FAM78A: variants seen among roughly 807,000 people sequenced by gnomAD.
The protein encoded by FAM78A is protein FAM78A.
FAM78A carries 12 observed loss-of-function variants against 22.6 expected under a neutral mutation model. The observed-to-expected ratio is 0.53, with a 90% confidence interval of 0.34 to 0.86. The LOEUF (loss-of-function observed/expected upper bound fraction) is 0.86, where lower values mean the gene tolerates loss of function less well. Ranked by LOEUF, FAM78A falls within the 40% of genes least tolerant of loss-of-function variation. The pLI is 0.02. For synonymous variants in FAM78A, 151 were observed against 155.8 expected (o/e 0.97, Z 0.23); for missense variants, 322 against 396.1 (o/e 0.81, Z 1.59).
At chr9:131,269,224 C>CGT (rs1835386942) in intron 1 of FAM78A, among the ~76,000 whole-genome samples, 2 of 152,168 alleles carry the variant, frequency 1.3e-5, no homozygotes, top group Admixed American at 1.3e-4. Context: ...TCTCTGCATA[C>CGT]ACACACAGGA....
At chr9:131,270,130 CG>C (rs1835399271) in intron 1 of FAM78A, 3 of 613,612 alleles carry the variant, frequency 4.9e-6, no homozygotes, top group Non-Finnish European at 5.9e-6. Context: ...CGCTTGAACC[CG>C]GGAGGCGGAT....
rs1835459109 is a variant in FAM78A at position 131,274,540 on chromosome 9, C to T, written c.323+1317G>A. On this transcript the variant is annotated intron_variant, in intron 1 of 1. Coordinates refer to ENST00000372271, the MANE Select transcript of FAM78A (RefSeq NM_033387.4). This position sits in a 1 kb window ranked among gnomAD's most constrained non-coding sequence, Gnocchi z 4.2. ...TGGTGGAGAGGGCCGGTGAGAGCCT[C>T]TAGATGTGCCCCCCATGTACCTCTT... Among the ~76,000 whole-genome samples the T allele has an allele frequency of 6.6e-6, 1 of 152,156 alleles. No individual in the cohort carries two copies. The highest frequency in any genetic ancestry group is 6.5e-5 in the Admixed American group (1 of 15,280).
In FAM78A at chr9:131,258,184, G is replaced by T. The variant is rs927499017; in HGVS notation, c.*2638C>A. 1 of 152,472 alleles carries T rather than the reference G, an allele frequency of 6.6e-6. No homozygotes were observed. The highest frequency in any genetic ancestry group is 2.4e-5 in the African/African-American group (1 of 41,402). 9.4% of individuals were successfully genotyped at this position (152,472 alleles called of 1,614,324 possible). A position where few individuals can be genotyped will look rare whatever the true frequency, so the allele number is the denominator to read the frequency against. ...TTCTTCAAGAGTCTTGTGCCTCCTG[G>T]TAAGTGCATTGGTTTGTTTCACAGT... is the stretch of plus-strand genomic sequence containing the variant. On this transcript the variant is annotated 3_prime_UTR_variant, in exon 2 of 2. Coordinates refer to ENST00000372271, the MANE Select transcript of FAM78A (RefSeq NM_033387.4).
chr9:131,268,927 C>A (rs994661992), intron 1 of FAM78A, among the ~76,000 whole-genome samples: 2 of 150,082 alleles, frequency 1.3e-5, no homozygotes, highest in African/African-American at 2.5e-5. Context: ...AGGCCGAGCG[C>A]GGTGGCTCAT....
At chr9:131,269,766 C>T (rs1215482614) in intron 1 of FAM78A, among the ~76,000 whole-genome samples, 1 of 152,118 alleles carries the variant, frequency 6.6e-6, no homozygotes, top group African/African-American at 2.4e-5. Context: ...CGTGAGCCAC[C>T]GGGCCCAGCC....
chr9:131,276,414 T>C lies in FAM78A; in HGVS notation c.-235A>G. 2.1e-6 allele frequency: 1 copy of C among 474,510 alleles called. No individual in the cohort carries two copies. Among genetic ancestry groups the C allele is most frequent in the Non-Finnish European group, 3.7e-6 (1 of 268,322 alleles). The allele number at this position is 474,510 out of a possible 1,614,324, so 29.4% of individuals were successfully genotyped here. ...TATTCTTTGGGTTAAAAAAAGTTTGTAGTTTAATGAATAATTATGCGGTTC... is the reference window on the plus strand; with the variant it reads ...TATTCTTTGGGTTAAAAAAAGTTTGCAGTTTAATGAATAATTATGCGGTTC... On this transcript the variant is annotated 5_prime_UTR_variant, in exon 1 of 2. Coordinates refer to ENST00000372271, the MANE Select transcript of FAM78A (RefSeq NM_033387.4). The surrounding 1 kb of genome is among the most constrained non-coding windows in gnomAD (Gnocchi z 4.3).
chr9:131,270,636 G>T, intron 1 of FAM78A: 1 of 631,494 alleles, frequency 1.6e-6, no homozygotes, highest in Admixed American at 2.2e-5. Flanking sequence ...CCTTGCCTCC[G>T]CCAGGGCCCA....
intron 1 of FAM78A, among the ~76,000 whole-genome samples, chr9:131,266,669 G>T (rs1835349645): frequency 6.6e-6 from 1 of 152,226 alleles, no homozygotes; most frequent in African/African-American, 2.4e-5. Flanking sequence ...CTGCCCCGTG[G>T]CCTGTTCATG....
In FAM78A at chr9:131,261,078, G is replaced by C. The variant is rs532760169; in HGVS notation, c.596C>G (p.Ser199Cys). 2.2e-5 allele frequency: 35 copies of C among 1,614,190 alleles called. 1 individual carries two copies. The East Asian group carries it at 7.4e-4, about 34-fold the overall frequency. The change falls in exon 2 of 2, where the codon TCC (serine) becomes TGC (cysteine). Residue 199 changes from serine (S) to cysteine (C), a missense_variant. By Grantham distance (112) the Ser-to-Cys change is moderately radical. Transcript: ENST00000372271. The surrounding 1 kb of genome is among the most constrained non-coding windows in gnomAD (Gnocchi z 7.1). ...CTGCAGGATGATCATGTCGTTGGTGGAGGTGTTGGTGGCCACCAGCCAGGT... is the reference window on the plus strand; with the variant it reads ...CTGCAGGATGATCATGTCGTTGGTGCAGGTGTTGGTGGCCACCAGCCAGGT... Reference protein sequence around the residue: ...FTTWLVATNTSTNDMIILQTL... With the variant: ...FTTWLVATNTCTNDMIILQTL...
chr9:131,269,923 A>C (rs1031248924), intron 1 of FAM78A, among the ~76,000 whole-genome samples: 4 of 151,468 alleles, frequency 2.6e-5, no homozygotes, highest in African/African-American at 7.3e-5. Context: ...GGCCGGGCAC[A>C]GTGGCTCACA....
At chr9:131,270,418 T>C (rs201788220) in intron 1 of FAM78A, 90 of 717,418 alleles carry the variant, frequency 1.3e-4, no homozygotes, top group Admixed American at 2.4e-4. Context: ...GTATGTAACT[T>C]GTCATTTCCC....
At chr9:131,268,933 C>G (rs1835382069) in intron 1 of FAM78A, among the ~76,000 whole-genome samples, 2 of 150,608 alleles carry the variant, frequency 1.3e-5, no homozygotes, top group Admixed American at 1.3e-4. Context: ...AGCGCGGTGG[C>G]TCATGCCTGT....
At chr9:131,266,734 C>A (rs1835350435) in intron 1 of FAM78A, among the ~76,000 whole-genome samples, 1 of 145,028 alleles carries the variant, frequency 6.9e-6, no homozygotes, top group Admixed American at 6.9e-5. Context: ...CCTAGACAGA[C>A]CACGAGGCCG....
rs977007829 is a variant in FAM78A, at chr9:131,275,417, G to A, written c.323+440C>T. Reference sequence around the variant, plus strand: ...CCAATCGCAAAGCCCTGAACACACCGGTCTGGGAGTTGCAGAGTGCCTGAA... The same window carrying A: ...CCAATCGCAAAGCCCTGAACACACCAGTCTGGGAGTTGCAGAGTGCCTGAA... On this transcript the variant is annotated intron_variant, in intron 1 of 1. Coordinates refer to ENST00000372271, the MANE Select transcript of FAM78A (RefSeq NM_033387.4). This position sits in a 1 kb window ranked among gnomAD's most constrained non-coding sequence, Gnocchi z 4.6. Among the ~76,000 whole-genome samples the A allele has an allele frequency of 1.2e-4, 18 of 152,202 alleles. No homozygotes were observed. Among genetic ancestry groups the A allele is most frequent in the African/African-American group, 4.3e-4 (18 of 41,446 alleles).
chr9:131,279,706 C>T (rs1445862094), upstream of FAM78A, among the ~76,000 whole-genome samples: 2 of 152,220 alleles, frequency 1.3e-5, no homozygotes, highest in East Asian at 1.9e-4. Flanking sequence ...CCGCCCCCTC[C>T]GTCCTGGGCT....
chr9:131,280,483 T>A (rs1165278505), upstream of FAM78A, among the ~76,000 whole-genome samples: 1 of 152,140 alleles, frequency 6.6e-6, no homozygotes. Flanking sequence ...GGCACTCCCA[T>A]TGCTCTCAGG....
In FAM78A at chr9:131,275,864, G is replaced by C. The variant is rs1396116732; in HGVS notation, c.316C>G (p.Gln106Glu). ...GCTCTCGGCCGTACTCACATGCCCT[G>C]CTCGCCGTACTGGTTGTAGAACTCC... ...HMEFYNQYGEQGMSSWELPDL... is the reference protein window; with the variant it reads ...HMEFYNQYGEEGMSSWELPDL... Residue 106 changes from glutamine to glutamate, a missense_variant, in exon 1 of 2, where the codon CAG becomes GAG. Coordinates refer to ENST00000372271, the MANE Select transcript of FAM78A (RefSeq NM_033387.4). This position sits in a 1 kb window ranked among gnomAD's most constrained non-coding sequence, Gnocchi z 4.6. 1 of 1,588,286 alleles carries C rather than the reference G, an allele frequency of 6.3e-7. No individual in the cohort carries two copies. The highest frequency in any genetic ancestry group is 1.3e-5 in the African/African-American group (1 of 74,684).
At chr9:131,262,431 G>T (rs1227040449) in intron 1 of FAM78A, among the ~76,000 whole-genome samples, 1 of 150,030 alleles carries the variant, frequency 6.7e-6, no homozygotes, top group African/African-American at 2.5e-5. Context: ...AGCTGAGATT[G>T]TGCCACTGCA....
intron 1 of FAM78A, among the ~76,000 whole-genome samples, chr9:131,268,727 C>T (rs962395659): frequency 6.6e-6 from 1 of 151,936 alleles, no homozygotes; most frequent in Non-Finnish European, 1.5e-5. Context: ...CCCGTCTCTA[C>T]TAAAAATACA....
Sources: gnomAD v4.1 joint callset for allele counts (sites outside exome capture counted in the v4.1 genomes callset) on GRCh38, gnomAD v4.1.1 for gene constraint, Gnocchi (gnomAD v3.1) non-coding constraint, MANE v1.5 for transcripts, NCBI Gene and HGNC (gene_info 2026-07-23, HGNC 2026-07-21) for gene names.